Variants in USH2A observed in about 807,000 individuals in gnomAD.
USH2A encodes Usher syndrome 2A (autosomal recessive, mild).
In USH2A, 443 loss-of-function variants were observed where a neutral mutation model predicts 538.9. The ratio of observed to expected loss-of-function variants is 0.82; its 90% CI spans 0.76 to 0.89. The LOEUF is 0.89. Ranked by LOEUF, USH2A falls within the 40% of genes least tolerant of loss-of-function variation. The pLI is 0.00. For synonymous variants in USH2A, 2,413 were observed against 2,273.5 expected (o/e 1.06, Z -1.75); for missense variants, 6,633 against 6,324.8 (o/e 1.05, Z -1.65).
In USH2A at chr1:216,323,550, G is replaced by T. The variant is rs1227805583; in HGVS notation, c.1474C>A (p.Gln492Lys). Residue 492 changes from glutamine (Q) to lysine (K), a missense_variant, in exon 8 of 72, where the codon CAG (glutamine) becomes AAG (lysine). Physicochemically the swap from Gln to Lys is moderately conservative, Grantham distance 53. Transcript: ENST00000307340. ...ATQIRFHFHG[Q>K]YYTTETAVNL... ...ACAGCAGTCTCAGTTGTATAGTACT[G>T]CCCATGAAAATGAAACCTTATTTGC... is the stretch of plus-strand genomic sequence containing the variant. 1.2e-6 allele frequency: 2 copies of T among 1,613,446 alleles called. No homozygotes were observed. Among genetic ancestry groups the T allele is most frequent in the South Asian group, 1.1e-5 (1 of 91,068 alleles).
chr1:216,352,337 A>T (rs1286537557), intron 4 of USH2A, among the ~76,000 whole-genome samples: 1 of 152,170 alleles, frequency 6.6e-6, no homozygotes, highest in African/African-American at 2.4e-5. Context: ...GGAGTGTTAG[A>T]TGCCAAGTGA....
At chr1:216,306,441 G>A (rs2037318484) in intron 9 of USH2A, among the ~76,000 whole-genome samples, 1 of 152,016 alleles carries the variant, frequency 6.6e-6, no homozygotes, top group Admixed American at 6.6e-5. Flanking sequence ...ATTCCTTTGA[G>A]TTCATATTCA....
intron 27 of USH2A, among the ~76,000 whole-genome samples, chr1:216,076,438 G>A (rs1036165026): frequency 2.0e-5 from 3 of 151,958 alleles, no homozygotes; most frequent in Admixed American, 6.6e-5. Context: ...TTTTAGCCAC[G>A]TCTTTAGGAC....
rs141340831 is a variant in USH2A at position 215,674,203 on chromosome 1, G to A, written c.13708C>T (p.Arg4570Cys). Residue 4570 changes from arginine (R) to cysteine (C), a missense_variant, in exon 63 of 72, where the codon CGT becomes TGT. By Grantham distance (180) the Arg-to-Cys change is radical. Coordinates refer to ENST00000307340, the MANE Select transcript of USH2A (RefSeq NM_206933.4). The stretch of plus-strand genomic sequence containing the variant: ...TTAGTTTCTCTTTCAAATAGTTCAC[G>A]GATGAAGAGGGTATAATTGATGATA... ...GDIINYTLFI[R>C]ELFERETKII... The A allele has an allele frequency of 9.3e-6, 15 of 1,613,930 alleles. No individual in the cohort carries two copies. The highest frequency in any genetic ancestry group is 2.2e-5 in the East Asian group (1 of 44,876).
chr1:215,918,458 G>T (rs1421144499), intron 38 of USH2A, among the ~76,000 whole-genome samples: 1 of 152,044 alleles, frequency 6.6e-6, no homozygotes, highest in African/African-American at 2.4e-5. Context: ...TAAAGAAAAT[G>T]ACTGTCTATG....
chr1:216,361,905 A>G (rs564428088), intron 4 of USH2A, among the ~76,000 whole-genome samples: 1 of 152,198 alleles, frequency 6.6e-6, no homozygotes, highest in African/African-American at 2.4e-5. Flanking sequence ...TTTTATTTGT[A>G]TGATAGTTTG....
chr1:216,068,327 T>A (rs1197752369), intron 30 of USH2A, among the ~76,000 whole-genome samples: 1 of 152,092 alleles, frequency 6.6e-6, no homozygotes, highest in Non-Finnish European at 1.5e-5. Context: ...TTTGGGTTAG[T>A]GTGTTGGTTT....
At chr1:216,370,482 C>T (rs1392062996) in intron 3 of USH2A, among the ~76,000 whole-genome samples, 1 of 151,728 alleles carries the variant, frequency 6.6e-6, no homozygotes, top group Non-Finnish European at 1.5e-5. Context: ...GAGTTCAAAA[C>T]CAGCCTGGCC....
rs113024173 is a variant in USH2A, at chr1:216,006,329, T to C, written c.6326-5767A>G. On this transcript the variant is annotated intron_variant, in intron 32 of 71. Transcript: ENST00000307340. Reference sequence around the variant, plus strand: ...CAATCACTCCTATGCCGCTACACAATGTCCAGTCTCTTGGTACCTTCTTAT... The same window carrying C: ...CAATCACTCCTATGCCGCTACACAACGTCCAGTCTCTTGGTACCTTCTTAT... Among the ~76,000 whole-genome samples the C allele has an allele frequency of 2.6e-3, 398 of 152,310 alleles. 2 individuals carry two copies. Among genetic ancestry groups the C allele is most frequent in the African/African-American group, 9.1e-3 (379 of 41,580 alleles).
intron 64 of USH2A, among the ~76,000 whole-genome samples, chr1:215,663,851 T>A (rs1657519332): frequency 6.6e-6 from 1 of 152,160 alleles, no homozygotes; most frequent in South Asian, 2.1e-4. Flanking sequence ...ATGAGTCCAA[T>A]GCTATATCTA....
chr1:216,300,618 T>C (rs1031634872), intron 9 of USH2A, among the ~76,000 whole-genome samples: 3 of 152,200 alleles, frequency 2.0e-5, no homozygotes, highest in Non-Finnish European at 4.4e-5. Context: ...TTATTTCTTA[T>C]GGATCATTAA....
At chr1:215,729,047 T>C (rs1481947036) in intron 60 of USH2A, among the ~76,000 whole-genome samples, 1 of 152,216 alleles carries the variant, frequency 6.6e-6, no homozygotes, top group Non-Finnish European at 1.5e-5. Flanking sequence ...AGTATGCTCG[T>C]AAACTCACTC....
In USH2A at chr1:215,786,841, A is replaced by G. The variant is rs1208211065; in HGVS notation, c.10216T>C (p.Ser3406Pro). ...TKECRILCPA[S>P]MEATEHCGRC... is the part of the protein sequence containing the mutation. ...CCACAATGTTCTGTGGCTTCCATAG[A>G]TGCTGGGCAGAGGATCCTGCACTCT... Residue 3406 changes from serine to proline, a missense_variant, in exon 52 of 72, where the codon TCT becomes CCT. By Grantham distance (74) the Ser-to-Pro change is moderately conservative. Transcript: ENST00000307340. 2 of 1,613,930 alleles carry G rather than the reference A, an allele frequency of 1.2e-6. No homozygotes were observed. Among genetic ancestry groups the G allele is most frequent in the East Asian group, 4.5e-5 (2 of 44,874 alleles).
intron 38 of USH2A, among the ~76,000 whole-genome samples, chr1:215,923,780 T>C (rs1432783962): frequency 6.6e-6 from 1 of 152,088 alleles, no homozygotes; most frequent in Non-Finnish European, 1.5e-5. Context: ...TCCTATTATA[T>C]GCCTGAGCCA....
chr1:216,362,262 G>C (rs1571741223), intron 4 of USH2A, among the ~76,000 whole-genome samples: 1 of 152,030 alleles, frequency 6.6e-6, no homozygotes, highest in Non-Finnish European at 1.5e-5. Context: ...AGGAATTATA[G>C]AGTATAAATA....
chr1:216,245,216 C>A (rs972781249), intron 13 of USH2A, among the ~76,000 whole-genome samples: 2 of 152,096 alleles, frequency 1.3e-5, no homozygotes, highest in African/African-American at 4.8e-5. Flanking sequence ...TACCACCTTG[C>A]TTCTACCTGA....
At chr1:216,174,482 A>C in intron 21 of USH2A, 1 of 985,430 alleles carries the variant, frequency 1.0e-6, no homozygotes, top group Non-Finnish European at 1.2e-6. Flanking sequence ...GTGAGGCAGG[A>C]TTGTGCTGGT....
At chr1:215,840,507 G>A (rs905032999) in intron 46 of USH2A, among the ~76,000 whole-genome samples, 2 of 152,144 alleles carry the variant, frequency 1.3e-5, no homozygotes, top group African/African-American at 2.4e-5. Context: ...TTGATCTTTT[G>A]TATTTTCATC....
chr1:215,750,663 C>T (rs767038021), intron 58 of USH2A, among the ~76,000 whole-genome samples: 24 of 151,988 alleles, frequency 1.6e-4, no homozygotes, highest in African/African-American at 3.4e-4. Flanking sequence ...ATTTGCTTTC[C>T]GCACGTTTAG....
Sources: gnomAD v4.1 joint callset for allele counts (sites outside exome capture counted in the v4.1 genomes callset) on GRCh38, gnomAD v4.1.1 for gene constraint, MANE v1.5 for transcripts, NCBI Gene and HGNC (gene_info 2026-07-23, HGNC 2026-07-21) for gene names.